Variants in PALS2 observed in about 807,000 individuals in gnomAD.
PALS2 encodes protein PALS2.
In PALS2, 27 loss-of-function variants were observed where a neutral mutation model predicts 61.6. The observed-to-expected ratio is 0.44, with a 90% confidence interval of 0.32 to 0.60. PALS2 has a LOEUF of 0.60. Ranked by LOEUF, PALS2 falls within the 20% of genes least tolerant of loss-of-function variation. PALS2 has a pLI of 0.05. For synonymous variants in PALS2, 236 were observed against 218.6 expected, an observed-to-expected ratio of 1.08 and a Z score of -0.70; for missense variants, 554 against 639.4, an observed-to-expected ratio of 0.87 and a Z score of 1.44.
At chr7:24,589,322 C>T (rs998403081) in intron 1 of PALS2, 2 of 152,252 alleles carry the variant, frequency 1.3e-5, no homozygotes, top group Non-Finnish European at 2.9e-5. Context: ...GGAGCTGTAC[C>T]ACTGAACCAT....
chr7:24,653,835 A>C (rs1254222602), intron 5 of PALS2, among the ~76,000 whole-genome samples: 4 of 152,206 alleles, frequency 2.6e-5, no homozygotes, highest in African/African-American at 9.7e-5. Context: ...CCATTACCAG[A>C]CATGCTGAGA....
intron 1 of PALS2, among the ~76,000 whole-genome samples, chr7:24,607,666 C>T (rs1280220676): frequency 6.7e-6 from 1 of 149,522 alleles, no homozygotes; most frequent in Non-Finnish European, 1.5e-5. Context: ...TATGTATACA[C>T]ACACATATAC....
intron 3 of PALS2, among the ~76,000 whole-genome samples, chr7:24,644,095 C>CTTTTTTTTTTTTTTTTTTTTTTTTT (rs59645237): frequency 7.4e-6 from 1 of 134,262 alleles, no homozygotes. Context: ...TTTCTTTTTT[C>CTTTTTTTTTTTTTTTTTTTTTTTTT]TTTTTTTTTT....
chr7:24,637,530 C>T (rs1453591288), intron 2 of PALS2, among the ~76,000 whole-genome samples: 1 of 151,946 alleles, frequency 6.6e-6, no homozygotes, highest in African/African-American at 2.4e-5. Flanking sequence ...ATTTACTTAG[C>T]TTTTTCAAGA....
chr7:24,595,756 G>A (rs1256927837), intron 1 of PALS2, among the ~76,000 whole-genome samples: 11 of 151,086 alleles, frequency 7.3e-5, no homozygotes, highest in Admixed American at 4.7e-4. Flanking sequence ...AAGACTGTAT[G>A]TAAGGGTGGT....
chr7:24,620,667 G>C (rs928058128), intron 1 of PALS2, among the ~76,000 whole-genome samples: 1 of 152,064 alleles, frequency 6.6e-6, no homozygotes, highest in Admixed American at 6.5e-5. Context: ...TATGAACACT[G>C]ACTAAACATT....
chr7:24,581,345 C>T (rs188965013), intron 1 of PALS2, among the ~76,000 whole-genome samples: 76 of 151,946 alleles, frequency 5.0e-4, no homozygotes, highest in Non-Finnish European at 8.5e-4. Flanking sequence ...GCATTTAGTG[C>T]TCTCTGGAAT....
intron 9 of PALS2, among the ~76,000 whole-genome samples, chr7:24,677,501 T>C (rs1156737914): frequency 6.6e-6 from 1 of 151,898 alleles, no homozygotes; most frequent in East Asian, 1.9e-4. Flanking sequence ...TGATATTGGC[T>C]GTGGGTTTGT....
At chr7:24,676,646 T>C (rs1787611520) in intron 9 of PALS2, among the ~76,000 whole-genome samples, 1 of 151,936 alleles carries the variant, frequency 6.6e-6, no homozygotes, top group African/African-American at 2.4e-5. Context: ...CTTTCCCCAT[T>C]GCTTGTTTTT....
chr7:24,582,883 CTTTTTTTTTTTTT>C (rs757869072), intron 1 of PALS2, among the ~76,000 whole-genome samples: 1 of 57,468 alleles, frequency 1.7e-5, no homozygotes, highest in Non-Finnish European at 3.3e-5. Context: ...GATAGTCATG[CTTTTTTTTTTTTT>C]TTTTTTTTTT....
intron 1 of PALS2, among the ~76,000 whole-genome samples, chr7:24,610,882 T>C (rs1784088563): frequency 1.3e-5 from 2 of 152,174 alleles, no homozygotes; most frequent in Non-Finnish European, 2.9e-5. Context: ...CTGTAAGTTA[T>C]GCAACATGGA....
intron 5 of PALS2, among the ~76,000 whole-genome samples, chr7:24,657,797 A>G (rs143161768): frequency 1.5e-4 from 23 of 152,186 alleles, no homozygotes; most frequent in Admixed American, 6.5e-4. Flanking sequence ...ATTTTCTCCA[A>G]TTTGTTTTCT....
At position 24,650,506 on chromosome 7, in the gene PALS2, A is replaced by C. The variant is rs1786083168; in HGVS notation, c.445A>C (p.Asn149His). Residue 149 changes from asparagine to histidine, a missense_variant, in exon 5 of 12, where the codon AAT becomes CAT. Physicochemically the swap from Asn to His is moderately conservative, Grantham distance 68. Transcript: ENST00000222644. Reference protein sequence around the residue: ...EPLGVTFRVENNDLVIARILH... With the variant: ...EPLGVTFRVEHNDLVIARILH... ...ATAGGGTGTGACATTTAGGGTTGAA[A>C]ATAATGATCTGGTAATTGCCCGAAT... The C allele has an allele frequency of 6.2e-7, 1 of 1,602,312 alleles. No individual in the cohort carries two copies. The highest frequency in any genetic ancestry group is 8.5e-7 in the Non-Finnish European group (1 of 1,176,540).
At chr7:24,587,474 C>G (rs1783114748) in intron 1 of PALS2, among the ~76,000 whole-genome samples, 1 of 151,922 alleles carries the variant, frequency 6.6e-6, no homozygotes, top group East Asian at 1.9e-4. Context: ...AATTTCTGGG[C>G]TCTAGTGATC....
intron 1 of PALS2, among the ~76,000 whole-genome samples, chr7:24,607,022 TGTG>T (rs1387656682): frequency 6.6e-6 from 1 of 152,136 alleles, no homozygotes; most frequent in Non-Finnish European, 1.5e-5. Flanking sequence ...ATTTTCCACT[TGTG>T]GTGTCCTGTT....
chr7:24,681,429 G>A (rs2128033455), intron 11 of PALS2, among the ~76,000 whole-genome samples: 1 of 151,466 alleles, frequency 6.6e-6, no homozygotes, highest in East Asian at 1.9e-4. Context: ...ATATCTAAGA[G>A]ATAAAGACAT....
intron 9 of PALS2, among the ~76,000 whole-genome samples, chr7:24,671,728 G>A (rs965852276): frequency 6.6e-6 from 1 of 152,074 alleles, no homozygotes; most frequent in African/African-American, 2.4e-5. Context: ...AATGTGAGGA[G>A]GGGGTTCCAA....
chr7:24,581,580 A>T (rs1419133071), intron 1 of PALS2, among the ~76,000 whole-genome samples: 1 of 152,098 alleles, frequency 6.6e-6, no homozygotes, highest in Non-Finnish European at 1.5e-5. Flanking sequence ...ATCAGGGATG[A>T]TTTTGCTGAA....
intron 1 of PALS2, among the ~76,000 whole-genome samples, chr7:24,612,916 C>G (rs1028171486): frequency 6.6e-6 from 1 of 151,766 alleles, no homozygotes; most frequent in Non-Finnish European, 1.5e-5. Flanking sequence ...TGACATTTCT[C>G]CATTAAATGT....
Sources: gnomAD v4.1 joint callset for allele counts (sites outside exome capture counted in the v4.1 genomes callset) on GRCh38, gnomAD v4.1.1 for gene constraint, MANE v1.5 for transcripts, NCBI Gene and HGNC (gene_info 2026-07-23, HGNC 2026-07-21) for gene names.